EGR1: variants seen among roughly 807,000 people sequenced by gnomAD.
EGR1 encodes early growth response 1, also known as early growth response protein 1.
In EGR1, 8 loss-of-function variants were observed where a neutral mutation model predicts 30.2. The observed-to-expected ratio is 0.26, with a 90% CI of 0.16 to 0.48. The LOEUF is 0.48. EGR1 is among the 20% of genes least tolerant of loss of function. The probability of loss-of-function intolerance (pLI) is 0.99; values close to 1 mark genes in which losing one functional copy is unlikely to be tolerated. For synonymous variants in EGR1, 334 were observed against 312.8 expected (o/e 1.07, Z -0.72); for missense variants, 568 against 732.3 (o/e 0.78, Z 2.59).
chr5:138,466,264 G>A (rs1764156908), intron 1 of EGR1, among the ~76,000 whole-genome samples, 196 bp downstream of exon 1: 1 of 152,242 alleles, frequency 6.6e-6, no homozygotes, highest in Non-Finnish European at 1.5e-5. Flanking sequence ...CTAGCGGAGC[G>A]CAGAGGACCG....
chr5:138,467,068 C>T lies in EGR1; in HGVS notation c.619C>T (p.Pro207Ser). 6.2e-7 allele frequency: 1 copy of T among 1,614,022 alleles called. No individual in the cohort carries two copies. Among genetic ancestry groups the T allele is most frequent in the Non-Finnish European group, 8.5e-7 (1 of 1,180,038 alleles). ...NDSSPIYSAA[P>S]TFPTPNTDIF... The stretch of plus-strand genomic sequence containing the variant: ...CAGCAGTCCCATTTACTCAGCGGCA[C>T]CCACCTTCCCCACGCCGAACACTGA... Residue 207 changes from proline to serine, a missense_variant, in exon 2 of 2, where the codon CCC (proline) becomes TCC (serine). Pro to Ser is a moderately conservative substitution (Grantham distance 74). This residue lies in a region of EGR1 where 415 missense variants were observed against 445.2 expected (regional missense o/e 0.93). Coordinates refer to ENST00000239938, the MANE Select transcript of EGR1 (RefSeq NM_001964.3). This position sits in a 1 kb window ranked among gnomAD's most constrained non-coding sequence, Gnocchi z 8.3.
Position 138,465,917 on chromosome 5 carries a change from C to T in EGR1, c.156C>T (p.Ala52=). The T allele has an allele frequency of 6.2e-7, 1 of 1,613,730 alleles. No individual in the cohort carries two copies. Among genetic ancestry groups the T allele is most frequent in the South Asian group, 1.1e-5 (1 of 91,084 alleles). The change falls in exon 1 of 2, where the codon GCC becomes GCT. Residue 52 remains alanine, a synonymous_variant. Transcript: ENST00000239938. ...GGGCTCCCCAGTTCCTCGGCGCCGC[C>T]GGGGCCCCAGAGGGCAGCGGCAGCA... is the stretch of plus-strand genomic sequence containing the variant. ...SNGAPQFLGA[A]GAPEGSGSNS... is the part of the protein sequence containing the mutation.
chr5:138,468,257 C>T lies in EGR1; in HGVS notation c.*176C>T. On this transcript the variant is annotated 3_prime_UTR_variant, in exon 2 of 2. Transcript: ENST00000239938. ...GTCTATTGGCCAACAATCCTTTCTGCCCACTTCCCCTTCCCCAATTACTAT... is the reference window on the plus strand; with the variant it reads ...GTCTATTGGCCAACAATCCTTTCTGTCCACTTCCCCTTCCCCAATTACTAT... 7.3e-7 allele frequency: 1 copy of T among 1,370,574 alleles called. No individual in the cohort carries two copies. Among genetic ancestry groups the T allele is most frequent in the Non-Finnish European group, 1.0e-6 (1 of 997,830 alleles). 84.9% of individuals were successfully genotyped at this position (1,370,574 alleles called of 1,614,324 possible). A position where few individuals can be genotyped will look rare whatever the true frequency, so the allele number is the denominator to read the frequency against.
In EGR1 at chr5:138,465,712, G is replaced by A. The variant is rs1446620225; in HGVS notation, c.-50G>A. On this transcript the variant is annotated 5_prime_UTR_variant, in exon 1 of 2. Transcript: ENST00000239938. Reference sequence around the variant, plus strand: ...CTGTGTCCCCTGCAGCTCCAGCCCCGGGCTGCACCCCCCCGCCCCGACACC... The same window carrying A: ...CTGTGTCCCCTGCAGCTCCAGCCCCAGGCTGCACCCCCCCGCCCCGACACC... The A allele has an allele frequency of 2.3e-6, 2 of 872,536 alleles. No individual in the cohort carries two copies. The highest frequency in any genetic ancestry group is 2.9e-5 in the East Asian group (1 of 34,216). 54.0% of individuals were successfully genotyped at this position (872,536 alleles called of 1,614,324 possible). A position where few individuals can be genotyped will look rare whatever the true frequency, so the allele number is the denominator to read the frequency against.
chr5:138,466,209 A>T, intron 1 of EGR1, 141 bp downstream of exon 1: 1 of 1,351,756 alleles, frequency 7.4e-7, no homozygotes, highest in South Asian at 1.5e-5. Context: ...CATGTGTTAG[A>T]GGGATGCCAA....
Position 138,466,844 on chromosome 5 carries a change from C to G in EGR1, c.395C>G (p.Thr132Ser). Residue 132 changes from threonine (T) to serine (S), a missense_variant, in exon 2 of 2, where the codon ACC (threonine) becomes AGC (serine). Around this residue, in one of 4 missense-constraint regions of EGR1, gnomAD observed 415 missense variants for 445.2 expected, o/e 0.93. Transcript: ENST00000239938. The part of the protein sequence containing the change: ...PSQTTRLPPI[T>S]YTGRFSLEPA... ...CAAACCACTCGACTGCCCCCCATCA[C>G]CTATACTGGCCGCTTTTCCCTGGAG... 6.2e-7 allele frequency: 1 copy of G among 1,614,144 alleles called. No homozygotes were observed. Among genetic ancestry groups the G allele is most frequent in the South Asian group, 1.1e-5 (1 of 91,090 alleles).
At position 138,466,028 on chromosome 5, in the gene EGR1, G is replaced by C. The variant is rs1764153578; in HGVS notation, c.267G>C (p.Gln89His). 1 of 1,601,420 alleles carries C rather than the reference G, an allele frequency of 6.2e-7. No individual in the cohort carries two copies. Among genetic ancestry groups the C allele is most frequent in the African/African-American group, 1.3e-5 (1 of 74,714 alleles). The change falls in exon 1 of 2, where the codon CAG (glutamine) becomes CAC (histidine). Residue 89 changes from glutamine (Q) to histidine (H), a missense_variant. Coordinates refer to ENST00000239938, the MANE Select transcript of EGR1 (RefSeq NM_001964.3). Reference sequence around the variant, plus strand: ...GCAGCAGCAGCACCTTCAACCCTCAGGCGGACACGGGCGAGCAGCCCTACG... The same window carrying C: ...GCAGCAGCAGCACCTTCAACCCTCACGCGGACACGGGCGAGCAGCCCTACG... ...SSSSSSTFNP[Q>H]ADTGEQPYEH...
At position 138,465,808 on chromosome 5, in the gene EGR1, T is replaced by A; in HGVS notation, c.47T>A (p.Ile16Asn). The change falls in exon 1 of 2, where the codon ATC (isoleucine) becomes AAC (asparagine). Residue 16 changes from isoleucine (I) to asparagine (N), a missense_variant. Transcript: ENST00000239938. Reference protein sequence around the residue: ...AEMQLMSPLQISDPFGSFPHS... With the variant: ...AEMQLMSPLQNSDPFGSFPHS... The stretch of plus-strand genomic sequence containing the variant: ...ATGCAGCTGATGTCCCCGCTGCAGA[T>A]CTCTGACCCGTTCGGATCCTTTCCT... 1 of 1,613,864 alleles carries A rather than the reference T, an allele frequency of 6.2e-7. No homozygotes were observed. Among genetic ancestry groups the A allele is most frequent in the East Asian group, 2.2e-5 (1 of 44,870 alleles).
chr5:138,466,967 C>T lies in EGR1; in HGVS notation c.518C>T (p.Ser173Leu). Residue 173 changes from serine to leucine, a missense_variant, in exon 2 of 2, where the codon TCA (serine) becomes TTA (leucine). By Grantham distance (145) the Ser-to-Leu change is moderately radical. This residue lies in a region of EGR1 where 415 missense variants were observed against 445.2 expected (regional missense o/e 0.93). Transcript: ENST00000239938. ...ACCAACCCACCGGCCTCCTCGTCCTCAGCACCATCTCCAGCGGCCTCCTCC... is the reference window on the plus strand; with the variant it reads ...ACCAACCCACCGGCCTCCTCGTCCTTAGCACCATCTCCAGCGGCCTCCTCC... ...SMTNPPASSS[S>L]APSPAASSAS... The T allele has an allele frequency of 6.2e-7, 1 of 1,614,080 alleles. No homozygotes were observed. The highest frequency in any genetic ancestry group is 2.2e-5 in the East Asian group (1 of 44,870).
rs761470879 is a variant in EGR1, at chr5:138,468,585, G to GA, written c.*516dup. 6.3e-3 allele frequency: 934 copies of GA among 149,304 alleles called. No homozygotes were observed. Among genetic ancestry groups the GA allele is most frequent in the South Asian group, 0.017 (102 of 6,178 alleles). The allele number at this position is 149,304 out of a possible 1,614,324, so 9.2% of individuals were successfully genotyped here. ...TTTGGAGTTAGGTCCTCACTTGGGG[G>GA]AAAAAAAAAAAAGAAAAGCCAAGCA... On this transcript the variant is annotated 3_prime_UTR_variant, in exon 2 of 2. Coordinates refer to ENST00000239938, the MANE Select transcript of EGR1 (RefSeq NM_001964.3).
Position 138,467,997 on chromosome 5 carries a change from A to G in EGR1, c.1548A>G (p.Ser516=), listed in dbSNP as rs752378281. The G allele has an allele frequency of 1.9e-6, 3 of 1,613,820 alleles. No individual in the cohort carries two copies. Among genetic ancestry groups the G allele is most frequent in the Non-Finnish European group, 2.5e-6 (3 of 1,179,900 alleles). ...CCCAGGTCAGCAGCTTCCCTTCCTC[A>G]GCTGTCACCAACTCCTTCAGCGCCT... is the stretch of plus-strand genomic sequence containing the variant. ...FPAQVSSFPS[S]AVTNSFSAST... is the part of the protein sequence containing the mutation. Residue 516 remains serine, a synonymous_variant, in exon 2 of 2, where the codon TCA becomes TCG. Coordinates refer to ENST00000239938, the MANE Select transcript of EGR1 (RefSeq NM_001964.3). The surrounding 1 kb of genome is among the most constrained non-coding windows in gnomAD (Gnocchi z 8.3).
chr5:138,466,987 T>A lies in EGR1; in HGVS notation c.538T>A (p.Ser180Thr). ...SSSSAPSPAA[S>T]SASASQSPPL... is the part of the protein sequence containing the mutation. ...GTCCTCAGCACCATCTCCAGCGGCC[T>A]CCTCCGCCTCCGCCTCCCAGAGCCC... Residue 180 changes from serine to threonine, a missense_variant, in exon 2 of 2, where the codon TCC (serine) becomes ACC (threonine). Ser to Thr is a moderately conservative substitution (Grantham distance 58). This residue lies in a region of EGR1 where 415 missense variants were observed against 445.2 expected (regional missense o/e 0.93). Coordinates refer to ENST00000239938, the MANE Select transcript of EGR1 (RefSeq NM_001964.3). 6 of 1,613,776 alleles carry A rather than the reference T, an allele frequency of 3.7e-6. No individual in the cohort carries two copies. Among genetic ancestry groups the A allele is most frequent in the Non-Finnish European group, 5.1e-6 (6 of 1,179,966 alleles).
At position 138,465,685 on chromosome 5, in the gene EGR1, A is replaced by C; in HGVS notation, c.-77A>C. On this transcript the variant is annotated 5_prime_UTR_variant, in exon 1 of 2. Coordinates refer to ENST00000239938, the MANE Select transcript of EGR1 (RefSeq NM_001964.3). Reference sequence around the variant, plus strand: ...GCATGTAACCCGGCCAGGCCCCCGCAACTGTGTCCCCTGCAGCTCCAGCCC... The same window carrying C: ...GCATGTAACCCGGCCAGGCCCCCGCCACTGTGTCCCCTGCAGCTCCAGCCC... 34 of 1,358,014 alleles carry C rather than the reference A, an allele frequency of 2.5e-5. No homozygotes were observed. The highest frequency in any genetic ancestry group is 2.6e-4 in the Middle Eastern group (1 of 3,828). The allele number at this position is 1,358,014 out of a possible 1,614,324, so 84.1% of individuals were successfully genotyped here. A position where few individuals can be genotyped will look rare whatever the true frequency, so the allele number is the denominator to read the frequency against.
Position 138,467,405 on chromosome 5 carries a change from G to C in EGR1, c.956G>C (p.Ser319Thr). 6.2e-7 allele frequency: 1 copy of C among 1,614,150 alleles called. No homozygotes were observed. Among genetic ancestry groups the C allele is most frequent in the Non-Finnish European group, 8.5e-7 (1 of 1,180,028 alleles). ...TSYQSQLIKPSRMRKYPNRPS... is the reference protein window; with the variant it reads ...TSYQSQLIKPTRMRKYPNRPS... ...TACCAGTCCCAGCTCATCAAACCCAGCCGCATGCGCAAGTACCCCAACCGG... is the reference window on the plus strand; with the variant it reads ...TACCAGTCCCAGCTCATCAAACCCACCCGCATGCGCAAGTACCCCAACCGG... Residue 319 changes from serine (S) to threonine (T), a missense_variant, in exon 2 of 2, where the codon AGC (serine) becomes ACC (threonine). Ser to Thr is a moderately conservative substitution (Grantham distance 58, BLOSUM62 1). Transcript: ENST00000239938. The surrounding 1 kb of genome is among the most constrained non-coding windows in gnomAD (Gnocchi z 8.3).
rs113180988 is a variant in EGR1 at position 138,465,994 on chromosome 5, A to ACAGCAGCAG, written c.245_253dup (p.Ser82_Ser84dup). The ACAGCAGCAG allele has an allele frequency of 1.2e-5, 19 of 1,608,500 alleles. No homozygotes were observed. Among genetic ancestry groups the ACAGCAGCAG allele is most frequent in the Admixed American group, 1.7e-5 (1 of 59,648 alleles). On this transcript the variant is annotated inframe_insertion, in exon 1 of 2. Coordinates refer to ENST00000239938, the MANE Select transcript of EGR1 (RefSeq NM_001964.3). Reference sequence around the variant, plus strand: ...GGTGGAGGCGGCGGGGGCGGCAGCAACAGCAGCAGCAGCAGCAGCACCTTC... The same window carrying ACAGCAGCAG: ...GGTGGAGGCGGCGGGGGCGGCAGCAACAGCAGCAGCAGCAGCAGCAGCAGCAGCACCTTC...
rs759886974 is a variant in EGR1, at chr5:138,465,799, C to T, written c.38C>T (p.Pro13Leu). The T allele has an allele frequency of 6.2e-7, 1 of 1,612,600 alleles. No individual in the cohort carries two copies. Among genetic ancestry groups the T allele is most frequent in the Non-Finnish European group, 8.5e-7 (1 of 1,179,044 alleles). The change falls in exon 1 of 2, where the codon CCG (proline) becomes CTG (leucine). Residue 13 changes from proline (P) to leucine (L), a missense_variant. Physicochemically the swap from Pro to Leu is moderately conservative, Grantham distance 98 (BLOSUM62 -3). Coordinates refer to ENST00000239938, the MANE Select transcript of EGR1 (RefSeq NM_001964.3). ...AAGGCCGAGATGCAGCTGATGTCCC[C>T]GCTGCAGATCTCTGACCCGTTCGGA... ...AAKAEMQLMS[P>L]LQISDPFGSF... is the part of the protein sequence containing the mutation.
chr5:138,467,075 T>G lies in EGR1; in HGVS notation c.626T>G (p.Phe209Cys). 6.2e-7 allele frequency: 1 copy of G among 1,613,390 alleles called. No individual in the cohort carries two copies. Among genetic ancestry groups the G allele is most frequent in the Non-Finnish European group, 8.5e-7 (1 of 1,179,896 alleles). The change falls in exon 2 of 2, where the codon TTC (phenylalanine) becomes TGC (cysteine). Residue 209 changes from phenylalanine (F) to cysteine (C), a missense_variant. Transcript: ENST00000239938. The surrounding 1 kb of genome is among the most constrained non-coding windows in gnomAD (Gnocchi z 8.3). Reference protein sequence around the residue: ...SSPIYSAAPTFPTPNTDIFPE... With the variant: ...SSPIYSAAPTCPTPNTDIFPE... ...CCCATTTACTCAGCGGCACCCACCT[T>G]CCCCACGCCGAACACTGACATTTTC...
At position 138,466,835 on chromosome 5, in the gene EGR1, C is replaced by G. The variant is rs199627951; in HGVS notation, c.386C>G (p.Pro129Arg). 1.2e-6 allele frequency: 2 copies of G among 1,614,062 alleles called. No individual in the cohort carries two copies. Among genetic ancestry groups the G allele is most frequent in the East Asian group, 2.2e-5 (1 of 44,870 alleles). The change falls in exon 2 of 2, where the codon CCC becomes CGC. Residue 129 changes from proline to arginine, a missense_variant. Physicochemically the swap from Pro to Arg is moderately radical, Grantham distance 103. This residue lies in a region of EGR1 where 415 missense variants were observed against 445.2 expected (regional missense o/e 0.93). Coordinates refer to ENST00000239938, the MANE Select transcript of EGR1 (RefSeq NM_001964.3). ...TSYPSQTTRLPPITYTGRFSL... is the reference protein window; with the variant it reads ...TSYPSQTTRLRPITYTGRFSL... ...TACCCCAGCCAAACCACTCGACTGC[C>G]CCCCATCACCTATACTGGCCGCTTT...
At chr5:138,466,709 T>C in intron 1 of EGR1, 48 bp from the exon 2 acceptor site, 4 of 1,566,740 alleles carry the variant, frequency 2.6e-6, no homozygotes, top group Non-Finnish European at 3.5e-6. Flanking sequence ...CGTCCTCCAG[T>C]GATTGCTTTC....
Sources: allele counts gnomAD v4.1 joint callset (sites outside exome capture counted in the v4.1 genomes callset), GRCh38; gene constraint gnomAD v4.1.1; regional missense constraint gnomAD v4.1.1; non-coding constraint Gnocchi (gnomAD v3.1); transcripts MANE v1.5; gene names NCBI Gene and HGNC (gene_info 2026-07-23, HGNC 2026-07-21).